ITSN1: variants seen among roughly 807,000 people sequenced by gnomAD.
The protein encoded by ITSN1 is intersectin 1, also known as intersectin-1.
Under a neutral mutation model 239.8 loss-of-function variants are expected in ITSN1, and 58 were observed. The ratio of observed to expected loss-of-function variants is 0.24; its 90% CI spans 0.20 to 0.30. The LOEUF is 0.30. Among genes scored for constraint, ITSN1 ranks in the 10% least tolerant of loss-of-function variants. ITSN1 has a pLI of 1.00. For synonymous variants in ITSN1, 780 were observed against 770.8 expected (o/e 1.01, Z -0.20); for missense variants, 1,558 against 2,103.3 (o/e 0.74, Z 5.07).
intron 24 of ITSN1, among the ~76,000 whole-genome samples, chr21:33,820,617 GA>G (rs1461545797): frequency 1.2e-4 from 18 of 152,188 alleles, no homozygotes; most frequent in Admixed American, 2.0e-4. Flanking sequence ...CTTTTTTCAA[GA>G]GGTTTTTTAA....
intron 5 of ITSN1, among the ~76,000 whole-genome samples, chr21:33,746,096 G>A (rs1023151450): frequency 1.3e-5 from 2 of 152,138 alleles, no homozygotes; most frequent in African/African-American, 4.8e-5. Flanking sequence ...AAAAAGCCAG[G>A]CTTAAAGATA....
chr21:33,724,728 C>G (rs979777963), intron 4 of ITSN1, among the ~76,000 whole-genome samples: 8 of 152,152 alleles, frequency 5.3e-5, no homozygotes, highest in African/African-American at 1.9e-4. Flanking sequence ...AAACGGCAGT[C>G]TAGTGGAGGG....
chr21:33,831,283 C>T lies in ITSN1; in HGVS notation c.3351+1538C>T, dbSNP rs1025323450. Reference sequence around the variant, plus strand: ...TGGAAGGACTGAATTTTCCAGCAGCCGTCCGTCTCTCTGGCGTTTGTTGAA... The same window carrying T: ...TGGAAGGACTGAATTTTCCAGCAGCTGTCCGTCTCTCTGGCGTTTGTTGAA... On this transcript the variant is annotated intron_variant, in intron 27 of 39. Transcript: ENST00000381318. 3.3e-5 allele frequency among the ~76,000 whole-genome samples: 5 copies of T among 152,192 alleles called. No individual in the cohort carries two copies. The East Asian group carries it at 5.8e-4, about 18-fold the overall frequency.
Position 33,802,454 on chromosome 21 carries a change from G to T in ITSN1, c.2319+10G>T. The T allele has an allele frequency of 6.2e-7, 1 of 1,613,438 alleles. No individual in the cohort carries two copies. Among genetic ancestry groups the T allele is most frequent in the Non-Finnish European group, 8.5e-7 (1 of 1,179,614 alleles). ...GGTTAAAGGGGAATGGGTAAGTGTT[G>T]CCTAACTGTCAGGAAGTCTGCATCT... On this transcript the variant is annotated intron_variant, in intron 20 of 39. Transcript: ENST00000381318.
intron 26 of ITSN1, 97 bp from the exon 27 acceptor site, chr21:33,829,527 G>T: frequency 7.8e-7 from 1 of 1,282,638 alleles, no homozygotes; most frequent in Non-Finnish European, 1.1e-6. Context: ...TGGTTTTGAT[G>T]TGTTCATCTG....
chr21:33,677,312 G>A (rs1468766776), intron 1 of ITSN1, among the ~76,000 whole-genome samples: 3 of 150,754 alleles, frequency 2.0e-5, no homozygotes, highest in Admixed American at 1.3e-4. Context: ...ATAATAAGCT[G>A]TTCAAAATTA....
intron 1 of ITSN1, among the ~76,000 whole-genome samples, chr21:33,688,962 A>G (rs1382634483): frequency 1.3e-5 from 2 of 152,024 alleles, no homozygotes; most frequent in Non-Finnish European, 2.9e-5. Context: ...CACTGGAATT[A>G]CAAGCACGCC....
intron 1 of ITSN1, among the ~76,000 whole-genome samples, chr21:33,679,847 G>A (rs1174491101): frequency 6.6e-6 from 1 of 151,368 alleles, no homozygotes; most frequent in Non-Finnish European, 1.5e-5. Flanking sequence ...ACAGGTGCCC[G>A]CCCCCACATC....
chr21:33,659,948 G>A (rs983975490), intron 1 of ITSN1, among the ~76,000 whole-genome samples: 2 of 151,702 alleles, frequency 1.3e-5, no homozygotes, highest in African/African-American at 4.8e-5. Flanking sequence ...GGCTCAAGCA[G>A]CCCTCCCACC....
In ITSN1 at chr21:33,794,331, T is replaced by C; in HGVS notation, c.1825-10T>C. 1 of 1,602,796 alleles carries C rather than the reference T, an allele frequency of 6.2e-7. No homozygotes were observed. Among genetic ancestry groups the C allele is most frequent in the African/African-American group, 1.3e-5 (1 of 74,368 alleles). ...TGTCGCTACATGAACTGTTTCTCGG[T>C]TAATTATAGGAACTAAGAGAAATAC... On this transcript the variant is annotated splice_polypyrimidine_tract_variant and intron_variant, in intron 16 of 39. Transcript: ENST00000381318.
At chr21:33,852,373 T>TGG (rs1168334801) in intron 29 of ITSN1, among the ~76,000 whole-genome samples, 1 of 152,214 alleles carries the variant, frequency 6.6e-6, no homozygotes, top group Non-Finnish European at 1.5e-5. Context: ...GGTGTGGAGA[T>TGG]GGGTGAGGTG....
chr21:33,746,055 AC>A (rs2067159241), intron 5 of ITSN1, among the ~76,000 whole-genome samples: 1 of 152,196 alleles, frequency 6.6e-6, no homozygotes, highest in Admixed American at 6.5e-5. Flanking sequence ...TTGGCTGACT[AC>A]TGTGCTACAA....
intron 22 of ITSN1, among the ~76,000 whole-genome samples, chr21:33,815,673 A>G (rs898896578): frequency 1.3e-5 from 2 of 152,216 alleles, no homozygotes; most frequent in East Asian, 3.8e-4. Flanking sequence ...GTGAAGTGTC[A>G]GAGGATATAG....
intron 1 of ITSN1, among the ~76,000 whole-genome samples, chr21:33,646,792 C>G (rs2146061927): frequency 6.6e-6 from 1 of 152,238 alleles, no homozygotes; most frequent in Middle Eastern, 3.4e-3. Flanking sequence ...AATTATTGTA[C>G]TACTGGACTT....
In ITSN1 at chr21:33,693,351, TG is replaced by T. The variant is rs1399431793; in HGVS notation, c.-32-25445del. Among the ~76,000 whole-genome samples the T allele has an allele frequency of 4.6e-5, 7 of 151,726 alleles. No homozygotes were observed. The East Asian group carries it at 5.8e-4, about 13-fold the overall frequency. On this transcript the variant is annotated intron_variant, in intron 1 of 39. Transcript: ENST00000381318. ...TTTTTTGTTTTGTTTTGTTTTGTTT[TG>T]TTTTTTTTGGTGGGGGGGTGGGGGA...
intron 1 of ITSN1, 70 bp downstream of exon 1, chr21:33,642,783 G>A (rs577243487): frequency 1.0e-3 from 154 of 152,520 alleles, no homozygotes; most frequent in Admixed American, 8.1e-3. Context: ...GTCGGCGCGG[G>A]GGTCTGCGCG....
chr21:33,771,141 A>T (rs532308807), intron 11 of ITSN1, among the ~76,000 whole-genome samples: 1 of 152,210 alleles, frequency 6.6e-6, no homozygotes, highest in Non-Finnish European at 1.5e-5. Context: ...CAAGAAAACC[A>T]AAACATACTT....
At chr21:33,671,372 C>T (rs574595966) in intron 1 of ITSN1, among the ~76,000 whole-genome samples, 13 of 152,028 alleles carry the variant, frequency 8.6e-5, no homozygotes, top group Non-Finnish European at 1.6e-4. Context: ...CCGCAACCCC[C>T]GCCTCCCGGA....
At chr21:33,793,486 C>A (rs931702352) in intron 16 of ITSN1, among the ~76,000 whole-genome samples, 1 of 152,154 alleles carries the variant, frequency 6.6e-6, no homozygotes, top group Non-Finnish European at 1.5e-5. Context: ...TATTGGTGAC[C>A]ATTTGATTTC....
Sources: allele counts gnomAD v4.1 joint callset (sites outside exome capture counted in the v4.1 genomes callset), GRCh38; gene constraint gnomAD v4.1.1; transcripts MANE v1.5; gene names NCBI Gene and HGNC (gene_info 2026-07-23, HGNC 2026-07-21).